The following SLC9A9 variants were observed in gnomAD, a reference collection of about 807,000 sequenced individuals.
SLC9A9 encodes solute carrier family 9 member A9, also known as sodium/hydrogen exchanger 9.
A neutral mutation model predicts 77.8 loss-of-function variants in SLC9A9; 62 were observed. The observed-to-expected ratio is 0.80, with a 90% CI of 0.65 to 0.98. The LOEUF (loss-of-function observed/expected upper bound fraction) is 0.98. SLC9A9 is among the 50% of genes least tolerant of loss of function. SLC9A9 has a pLI of 0.00. For missense variants in SLC9A9, 775 were observed against 774.9 expected (o/e 1.00, Z 0.00); for synonymous variants, 320 against 283.5 (o/e 1.13, Z -1.29).
chr3:143,638,318 T>G (rs2038559592), intron 6 of SLC9A9, among the ~76,000 whole-genome samples: 1 of 152,264 alleles, frequency 6.6e-6, no homozygotes, highest in South Asian at 2.1e-4. Flanking sequence ...AATTTGACTT[T>G]CATATATCCA....
chr3:143,451,427 T>C (rs1357848678), intron 12 of SLC9A9, among the ~76,000 whole-genome samples: 2 of 152,178 alleles, frequency 1.3e-5, no homozygotes, highest in Non-Finnish European at 2.9e-5. Context: ...GGGTGTTTCA[T>C]TGCAACTTTT....
intron 14 of SLC9A9, among the ~76,000 whole-genome samples, chr3:143,353,404 G>A (rs1182365111): frequency 1.3e-5 from 2 of 152,184 alleles, no homozygotes; most frequent in Non-Finnish European, 2.9e-5. Flanking sequence ...CCTTATCAAA[G>A]AGGCCTAAGA....
Position 143,591,307 on chromosome 3 carries a change from A to G in SLC9A9, c.756-12584T>C, listed in dbSNP as rs576684834. ...CAAGTTATCTTTGGAAGGAAAGCACATAGTTATCTTCTTAAACTAATGTAT... is the reference window on the plus strand; with the variant it reads ...CAAGTTATCTTTGGAAGGAAAGCACGTAGTTATCTTCTTAAACTAATGTAT... On this transcript the variant is annotated intron_variant, in intron 6 of 15. Transcript: ENST00000316549. Among the ~76,000 whole-genome samples the G allele has an allele frequency of 4.6e-5, 7 of 152,384 alleles. No homozygotes were observed. The South Asian group carries it at 1.4e-3, about 32-fold the overall frequency.
Position 143,525,905 on chromosome 3 carries a change from T to C in SLC9A9, c.1089+26457A>G, listed in dbSNP as rs542421178. On this transcript the variant is annotated intron_variant, in intron 9 of 15. Transcript: ENST00000316549. Reference sequence around the variant, plus strand: ...GCAGACAGTGCAGGATACAAAATTGTACATATACAGTTTATTCTTGATAAA... The same window carrying C: ...GCAGACAGTGCAGGATACAAAATTGCACATATACAGTTTATTCTTGATAAA... Among the ~76,000 whole-genome samples the C allele has an allele frequency of 3.3e-5, 5 of 152,310 alleles. No individual in the cohort carries two copies. The South Asian group carries it at 6.2e-4, about 19-fold the overall frequency.
intron 4 of SLC9A9, among the ~76,000 whole-genome samples, chr3:143,791,079 G>A (rs2008203583): frequency 6.6e-6 from 1 of 152,164 alleles, no homozygotes; most frequent in African/African-American, 2.4e-5. Context: ...CCAAGATGGA[G>A]GACATGAATA....
chr3:143,722,484 A>AAAAAAAC, intron 4 of SLC9A9, among the ~76,000 whole-genome samples: 1 of 150,620 alleles, frequency 6.6e-6, no homozygotes, highest in Non-Finnish European at 1.5e-5. Context: ...AAAAAAAAAA[A>AAAAAAAC]AAAAAAAAAA....
At chr3:143,650,735 A>T (rs1195714439) in intron 6 of SLC9A9, among the ~76,000 whole-genome samples, 1 of 152,244 alleles carries the variant, frequency 6.6e-6, no homozygotes, top group Non-Finnish European at 1.5e-5. Flanking sequence ...AGCTCTTGCC[A>T]TGGTGTGAAA....
At chr3:143,544,660 T>C (rs2036754408) in intron 9 of SLC9A9, among the ~76,000 whole-genome samples, 1 of 152,234 alleles carries the variant, frequency 6.6e-6, no homozygotes, top group Non-Finnish European at 1.5e-5. Flanking sequence ...GTGCAGAAGC[T>C]CTTCGGCTTA....
intron 12 of SLC9A9, among the ~76,000 whole-genome samples, chr3:143,454,021 C>T (rs2035050038): frequency 6.6e-6 from 1 of 152,126 alleles, no homozygotes; most frequent in Admixed American, 6.6e-5. Context: ...ATAAAGGTGC[C>T]ATCCTGGAAG....
chr3:143,353,139 C>A (rs890263982), intron 14 of SLC9A9, among the ~76,000 whole-genome samples: 2 of 152,186 alleles, frequency 1.3e-5, no homozygotes, highest in African/African-American at 4.8e-5. Context: ...CACTCTCAAC[C>A]CTGCTCCTTA....
chr3:143,663,907 C>T (rs2039020545), intron 5 of SLC9A9, among the ~76,000 whole-genome samples: 1 of 152,152 alleles, frequency 6.6e-6, no homozygotes, highest in African/African-American at 2.4e-5. Flanking sequence ...AAACACTCTG[C>T]AGGATATTAT....
intron 12 of SLC9A9, among the ~76,000 whole-genome samples, chr3:143,459,463 T>G (rs2035150883): frequency 6.6e-6 from 1 of 152,212 alleles, no homozygotes; most frequent in Admixed American, 6.5e-5. Context: ...ATCTGCCTTC[T>G]GTTGCTGGTT....
intron 2 of SLC9A9, among the ~76,000 whole-genome samples, chr3:143,826,824 A>C (rs1344528803): frequency 6.6e-6 from 1 of 152,068 alleles, no homozygotes; most frequent in Non-Finnish European, 1.5e-5. Context: ...AGAGTCAATC[A>C]ACTGCCCTTC....
intron 1 of SLC9A9, among the ~76,000 whole-genome samples, chr3:143,837,087 G>C (rs983398685): frequency 6.6e-6 from 1 of 152,036 alleles, no homozygotes. Flanking sequence ...TTTTTAAAAA[G>C]CTTAAATAAA....
chr3:143,492,502 G>C (rs2035765527), intron 11 of SLC9A9, among the ~76,000 whole-genome samples: 1 of 152,118 alleles, frequency 6.6e-6, no homozygotes, highest in Non-Finnish European at 1.5e-5. Context: ...GTATGGACCA[G>C]GCTAGGATGG....
At chr3:143,455,280 T>C (rs983804323) in intron 12 of SLC9A9, among the ~76,000 whole-genome samples, 1 of 152,232 alleles carries the variant, frequency 6.6e-6, no homozygotes, top group Admixed American at 6.5e-5. Context: ...AATTTATATG[T>C]CTATCCCTTT....
chr3:143,292,590 G>C (rs1390240608), intron 14 of SLC9A9, among the ~76,000 whole-genome samples: 1 of 151,982 alleles, frequency 6.6e-6, no homozygotes, highest in Admixed American at 6.6e-5. Flanking sequence ...GGTTGTCCTA[G>C]AGCTATAAAA....
At chr3:143,372,474 A>G (rs570028153) in intron 13 of SLC9A9, among the ~76,000 whole-genome samples, 2 of 152,254 alleles carry the variant, frequency 1.3e-5, no homozygotes, top group Non-Finnish European at 2.9e-5. Flanking sequence ...AAAACTGAAG[A>G]TGGATTAAAG....
intron 14 of SLC9A9, among the ~76,000 whole-genome samples, chr3:143,351,057 A>G (rs2108473557): frequency 6.6e-6 from 1 of 152,352 alleles, no homozygotes; most frequent in South Asian, 2.1e-4. Context: ...GTTCCTACAC[A>G]AGAATTTTAT....
Sources: allele counts gnomAD v4.1 joint callset (sites outside exome capture counted in the v4.1 genomes callset), GRCh38; gene constraint gnomAD v4.1.1; transcripts MANE v1.5; gene names NCBI Gene and HGNC (gene_info 2026-07-23, HGNC 2026-07-21).